LARP1B: variants seen among roughly 807,000 people sequenced by gnomAD.
LARP1B encodes the protein la-related protein 1B.
A neutral mutation model predicts 114.2 loss-of-function variants in LARP1B; 76 were observed. That is an observed-to-expected ratio of 0.67 (90% CI 0.55 to 0.81). The LOEUF is 0.81. Ranked by LOEUF, LARP1B falls within the 30% of genes least tolerant of loss-of-function variation. LARP1B has a pLI of 0.00. For missense variants in LARP1B, 1,014 were observed against 1,075.8 expected (o/e 0.94, Z 0.80); for synonymous variants, 345 against 348.0 (o/e 0.99, Z 0.10).
At position 128,167,324 on chromosome 4, in the gene LARP1B, C is replaced by G. The variant is rs186912554; in HGVS notation, c.1648+5007C>G. ...CATACTGTTTTCCACAATGGCTGCACCAGTGCACCTTTTCATATACCTGTT... is the reference window on the plus strand; with the variant it reads ...CATACTGTTTTCCACAATGGCTGCAGCAGTGCACCTTTTCATATACCTGTT... On this transcript the variant is annotated intron_variant, in intron 12 of 19. Coordinates refer to ENST00000326639, the MANE Select transcript of LARP1B (RefSeq NM_018078.4). Among the ~76,000 whole-genome samples, 4 of 152,016 alleles carry G rather than the reference C, an allele frequency of 2.6e-5. No individual in the cohort carries two copies. In the South Asian group the frequency reaches 6.2e-4, roughly 24 times the overall value.
At chr4:128,213,944 G>A (rs1422354891), downstream of LARP1B, among the ~76,000 whole-genome samples, 14 of 151,996 alleles carry the variant, frequency 9.2e-5, no homozygotes, top group South Asian at 2.1e-3. Context: ...CAGTGTGTGC[G>A]TGCACCGTGC....
chr4:128,073,526 A>C (rs1766332234), intron 1 of LARP1B, among the ~76,000 whole-genome samples: 2 of 146,088 alleles, frequency 1.4e-5, no homozygotes, highest in African/African-American at 4.9e-5. Context: ...TCTGTCTCAA[A>C]AAAAAAAAAG....
intron 11 of LARP1B, among the ~76,000 whole-genome samples, chr4:128,136,796 T>G (rs1725509427): frequency 6.6e-6 from 1 of 152,146 alleles, no homozygotes; most frequent in Admixed American, 6.5e-5. Context: ...AGAGATGAGG[T>G]CTCACTATGT....
At chr4:128,142,980 G>A (rs1399718218) in intron 11 of LARP1B, among the ~76,000 whole-genome samples, 1 of 152,004 alleles carries the variant, frequency 6.6e-6, no homozygotes, top group African/African-American at 2.4e-5. Context: ...GGAGAGTCAA[G>A]TGAATCAAGA....
intron 3 of LARP1B, among the ~76,000 whole-genome samples, chr4:128,076,225 G>A (rs564889266): frequency 3.2e-4 from 49 of 151,774 alleles, no homozygotes; most frequent in Middle Eastern, 3.4e-3. Context: ...TGTTGGTCTC[G>A]AACTCCTGAC....
At chr4:128,069,082 TGTG>T in intron 1 of LARP1B, 1 of 1,021,494 alleles carries the variant, frequency 9.8e-7, no homozygotes, top group Admixed American at 1.8e-5. Flanking sequence ...CCACCAATAG[TGTG>T]GTGGCACTTA....
At chr4:128,103,866 C>CT (rs1159807885) in intron 8 of LARP1B, among the ~76,000 whole-genome samples, 3 of 146,176 alleles carry the variant, frequency 2.1e-5, no homozygotes, top group South Asian at 2.2e-4. Context: ...CTGGCCTCCT[C>CT]TTTTTTTATT....
chr4:128,111,613 G>A (rs1157950486), intron 9 of LARP1B, among the ~76,000 whole-genome samples: 1 of 152,102 alleles, frequency 6.6e-6, no homozygotes, highest in East Asian at 1.9e-4. Flanking sequence ...TGAGTTGAGA[G>A]GATTACTTGA....
chr4:128,188,842 G>A (rs1206093265), intron 15 of LARP1B, among the ~76,000 whole-genome samples: 1 of 152,108 alleles, frequency 6.6e-6, no homozygotes, highest in East Asian at 1.9e-4. Flanking sequence ...TTTTTATTCT[G>A]TTGTAGCCAG....
At chr4:128,065,749 T>C (rs2149286891) in intron 1 of LARP1B, among the ~76,000 whole-genome samples, 1 of 152,286 alleles carries the variant, frequency 6.6e-6, no homozygotes, top group Non-Finnish European at 1.5e-5. Context: ...GTGCCACTTA[T>C]AACCTGGCTG....
At chr4:128,158,664 T>A (rs886743179) in intron 11 of LARP1B, among the ~76,000 whole-genome samples, 5 of 152,200 alleles carry the variant, frequency 3.3e-5, no homozygotes, top group Non-Finnish European at 7.4e-5. Context: ...CTTTTCAGCC[T>A]CATTAGTAAT....
chr4:128,164,028 T>C (rs994654421), intron 12 of LARP1B, among the ~76,000 whole-genome samples: 2 of 152,094 alleles, frequency 1.3e-5, no homozygotes, highest in African/African-American at 4.8e-5. Flanking sequence ...CGTATTCATG[T>C]TGATATTTTC....
chr4:128,169,839 G>A lies in LARP1B; in HGVS notation c.1649-7033G>A, dbSNP rs991376125. 5.3e-5 allele frequency among the ~76,000 whole-genome samples: 8 copies of A among 152,002 alleles called. 1 individual carries two copies. In the South Asian group the frequency reaches 1.5e-3, roughly 28 times the overall value. On this transcript the variant is annotated intron_variant, in intron 12 of 19. Coordinates refer to ENST00000326639, the MANE Select transcript of LARP1B (RefSeq NM_018078.4). ...TTTAGTAAAGACCAGGTTTCACCACGTTGGCCAGGCCGGTCTCAAACTCCT... is the reference window on the plus strand; with the variant it reads ...TTTAGTAAAGACCAGGTTTCACCACATTGGCCAGGCCGGTCTCAAACTCCT...
In LARP1B at chr4:128,122,061, G is replaced by A. The variant is rs767497573; in HGVS notation, c.1397G>A (p.Arg466Gln). ...PYVKKHPGGDRTGTHMSRAKI... is the reference protein window; with the variant it reads ...PYVKKHPGGDQTGTHMSRAKI... The stretch of plus-strand genomic sequence containing the variant: ...GTGAAAAAACATCCTGGAGGAGATC[G>A]AACAGGCACCCACATGTCTCGGGCA... The change falls in exon 11 of 20, where the codon CGA becomes CAA. Residue 466 changes from arginine (R) to glutamine (Q), a missense_variant. Transcript: ENST00000326639. 1.9e-5 allele frequency: 31 copies of A among 1,613,904 alleles called. No homozygotes were observed. The highest frequency in any genetic ancestry group is 2.5e-5 in the Non-Finnish European group (29 of 1,179,992).
At chr4:128,213,163 C>G (rs1218996208), downstream of LARP1B, among the ~76,000 whole-genome samples, 1 of 152,096 alleles carries the variant, frequency 6.6e-6, no homozygotes, top group African/African-American at 2.4e-5. Context: ...GGTGATCCAC[C>G]TTGGCCTCCC....
rs546374735 is a variant in LARP1B at position 128,122,196 on chromosome 4, T to C, written c.1524+8T>C. 2 of 1,610,384 alleles carry C rather than the reference T, an allele frequency of 1.2e-6. No homozygotes were observed. Among genetic ancestry groups the C allele is most frequent in the South Asian group, 2.2e-5 (2 of 90,676 alleles). ...AAACACACAGCCATAAAGGTAATTGTTTCTGGCCAACATCTTTCTACTGAT... is the reference window on the plus strand; with the variant it reads ...AAACACACAGCCATAAAGGTAATTGCTTCTGGCCAACATCTTTCTACTGAT... On this transcript the variant is annotated splice_region_variant and intron_variant, in intron 11 of 19. Coordinates refer to ENST00000326639, the MANE Select transcript of LARP1B (RefSeq NM_018078.4).
intron 8 of LARP1B, among the ~76,000 whole-genome samples, chr4:128,101,527 G>A (rs1350935864): frequency 4.7e-5 from 7 of 150,434 alleles, no homozygotes; most frequent in Non-Finnish European, 1.0e-4. Flanking sequence ...AAGTATATAA[G>A]GTTTCTATAT....
At chr4:128,122,894 G>C in intron 11 of LARP1B, 1 of 995,846 alleles carries the variant, frequency 1.0e-6, no homozygotes, top group Non-Finnish European at 1.2e-6. Flanking sequence ...AATTATAATG[G>C]TACAGATATG....
intron 11 of LARP1B, among the ~76,000 whole-genome samples, chr4:128,143,057 C>T (rs935992004): frequency 6.6e-6 from 1 of 151,964 alleles, no homozygotes; most frequent in Non-Finnish European, 1.5e-5. Flanking sequence ...GAGGCCGAGG[C>T]AGGCTGATCA....
Sources: gnomAD v4.1 joint callset for allele counts (sites outside exome capture counted in the v4.1 genomes callset) on GRCh38, gnomAD v4.1.1 for gene constraint, MANE v1.5 for transcripts, NCBI Gene and HGNC (gene_info 2026-07-23, HGNC 2026-07-21) for gene names.